Variants in GRK6 observed in about 807,000 individuals in gnomAD.
The protein encoded by GRK6 is G protein-coupled receptor kinase 6.
GRK6 carries 37 observed loss-of-function variants against 80.8 expected under a neutral mutation model. The observed-to-expected ratio is 0.46, with a 90% CI of 0.35 to 0.60. The LOEUF is 0.60. GRK6 is among the 20% of genes least tolerant of loss of function. The pLI is 0.00. For synonymous variants in GRK6, 295 were observed against 320.9 expected (o/e 0.92, Z 0.86); for missense variants, 560 against 784.6 (o/e 0.71, Z 3.42).
At chr5:177,439,008 C>T (rs1255598640) in intron 13 of GRK6, 1 of 152,166 alleles carries the variant, frequency 6.6e-6, no homozygotes, top group East Asian at 1.9e-4. Context: ...ATCAGCTCGC[C>T]CCTGAGGCTG....
Position 177,435,051 on chromosome 5 carries a change from C to T in GRK6, c.987C>T (p.Asp329=). Residue 329 remains aspartate, a synonymous_variant, in exon 11 of 16, where the codon GAC becomes GAT. Transcript: ENST00000355472. ...LDDHGHIRIS[D]LGLAVHVPEG... The stretch of plus-strand genomic sequence containing the variant: ...ACTCAGGCCACATCCGCATCTCTGA[C>T]CTGGGACTAGCTGTGCATGTGCCCG... 1 of 1,612,832 alleles carries T rather than the reference C, an allele frequency of 6.2e-7. No individual in the cohort carries two copies. The highest frequency in any genetic ancestry group is 8.5e-7 in the Non-Finnish European group (1 of 1,179,752).
intron 12 of GRK6, 32 bp downstream of exon 12, chr5:177,436,313 G>C: frequency 1.9e-6 from 3 of 1,613,106 alleles, no homozygotes; most frequent in Middle Eastern, 1.7e-4. Flanking sequence ...TGGCCAGCCA[G>C]GGCTGGGGTG....
Sources: allele counts gnomAD v4.1 joint callset, GRCh38; gene constraint gnomAD v4.1.1; transcripts MANE v1.5; gene names NCBI Gene and HGNC (gene_info 2026-07-23, HGNC 2026-07-21).